Variants in ADGRG4 observed in about 807,000 individuals in gnomAD.
ADGRG4 encodes adhesion G protein-coupled receptor G4.
In ADGRG4, 122 loss-of-function variants were observed where a neutral mutation model predicts 126.2. That is an observed-to-expected ratio of 0.97 (90% CI 0.83 to 1.12). ADGRG4 has a LOEUF of 1.12. Ranked by LOEUF, ADGRG4 falls within the 50% of genes most tolerant of loss-of-function variation. ADGRG4 has a pLI of 0.00. For synonymous variants in ADGRG4, 943 were observed against 838.7 expected, an observed-to-expected ratio of 1.12 and a Z score of -2.15; for missense variants, 2,481 against 2,251.8, an observed-to-expected ratio of 1.10 and a Z score of -2.06.
At chrX:136,342,186 T>C (rs1257159936) in intron 5 of ADGRG4, among the ~76,000 whole-genome samples, 1 of 112,185 alleles carries the variant, frequency 8.9e-6, no homozygotes, top group Non-Finnish European at 1.9e-5. Context: ...AACTTTGAGT[T>C]CTCTGAGATT....
At chrX:136,339,509 C>G (rs192376978) in intron 5 of ADGRG4, among the ~76,000 whole-genome samples, 50 of 111,864 alleles carry the variant, frequency 4.5e-4, no homozygotes, top group Non-Finnish European at 8.1e-4. Flanking sequence ...TCCAACTTGC[C>G]TGAAGTTGTC....
At chrX:136,330,386 CT>C (rs113126296) in intron 5 of ADGRG4, among the ~76,000 whole-genome samples, 3,417 of 101,467 alleles carry the variant, frequency 0.034, 69 homozygotes, top group African/African-American at 0.069. Context: ...TTAGGATTAC[CT>C]TTTTTTTTTT....
At chrX:136,380,937 C>T (rs772077318) in intron 15 of ADGRG4, among the ~76,000 whole-genome samples, 2 of 109,256 alleles carry the variant, frequency 1.8e-5, no homozygotes, top group African/African-American at 6.7e-5. Context: ...ACAGTGGTCT[C>T]GAACTCCTAG....
intron 4 of ADGRG4, among the ~76,000 whole-genome samples, chrX:136,311,513 T>A (rs2074771269): frequency 9.1e-6 from 1 of 110,442 alleles, no homozygotes; most frequent in African/African-American, 3.3e-5. Context: ...GGCAGGAGGC[T>A]GGGGTTTTGT....
chrX:136,414,555 G>T (rs1265082285), intron 25 of ADGRG4, among the ~76,000 whole-genome samples: 2 of 112,520 alleles, frequency 1.8e-5, no homozygotes, highest in African/African-American at 3.2e-5. Flanking sequence ...AAGTATGAAT[G>T]TGTTATTAGA....
At chrX:136,388,512 T>C (rs1188143967) in intron 16 of ADGRG4, among the ~76,000 whole-genome samples, 1 of 112,247 alleles carries the variant, frequency 8.9e-6, no homozygotes, top group Non-Finnish European at 1.9e-5. Flanking sequence ...CTCTGTAGTA[T>C]AGGGTAATAA....
intron 3 of ADGRG4, among the ~76,000 whole-genome samples, chrX:136,306,626 A>T (rs916059539): frequency 1.8e-5 from 2 of 110,747 alleles, no homozygotes; most frequent in African/African-American, 3.3e-5. Context: ...ATAACCAGAC[A>T]GTACAGAACA....
intron 9 of ADGRG4, among the ~76,000 whole-genome samples, chrX:136,357,165 G>A (rs2075099556): frequency 2.7e-5 from 3 of 111,254 alleles, no homozygotes; most frequent in South Asian, 3.8e-4. Context: ...AATCCTTTTG[G>A]TGATAATATG....
intron 16 of ADGRG4, among the ~76,000 whole-genome samples, chrX:136,391,990 G>T (rs1245540144): frequency 8.9e-6 from 1 of 112,238 alleles, no homozygotes. Context: ...AAACAAATGC[G>T]TGCTAAATAC....
intron 21 of ADGRG4, among the ~76,000 whole-genome samples, chrX:136,402,455 C>G (rs1042692158): frequency 9.0e-6 from 1 of 111,280 alleles, no homozygotes; most frequent in African/African-American, 3.3e-5. Context: ...AAGTGACCAT[C>G]CTGTTTATCA....
At chrX:136,363,966 T>A (rs1410219698) in intron 13 of ADGRG4, among the ~76,000 whole-genome samples, 5 of 109,289 alleles carry the variant, frequency 4.6e-5, no homozygotes, top group Admixed American at 2.0e-4. Context: ...CCCACCACCA[T>A]GCCCGGATGA....
At chrX:136,311,430 C>G (rs907318235) in intron 4 of ADGRG4, among the ~76,000 whole-genome samples, 1 of 109,899 alleles carries the variant, frequency 9.1e-6, no homozygotes, top group Non-Finnish European at 1.9e-5. Context: ...CACACACACA[C>G]GCTCACACCC....
chrX:136,356,646 A>C (rs188460843), intron 9 of ADGRG4, among the ~76,000 whole-genome samples: 2 of 111,909 alleles, frequency 1.8e-5, no homozygotes, highest in African/African-American at 6.5e-5. Flanking sequence ...GCAAGCACAC[A>C]GCTTTCCAGG....
At chrX:136,393,652 G>A in intron 18 of ADGRG4, 72 bp downstream of exon 18, 1 of 774,868 alleles carries the variant, frequency 1.3e-6, no homozygotes, top group Non-Finnish European at 2.0e-6. Flanking sequence ...ATGGGAGGGG[G>A]TTGTGCTGAA....
In ADGRG4 at chrX:136,345,520, G is replaced by A; in HGVS notation, c.1814G>A (p.Gly605Glu). 8.3e-7 allele frequency: 1 copy of A among 1,210,335 alleles called. No homozygotes were observed. Among genetic ancestry groups the A allele is most frequent in the South Asian group, 1.8e-5 (1 of 56,913 alleles). ...ACTATGCTTTCCTCCACAATCACAGGACGAGTTTACACCCAGAATACACCT... is the reference window on the plus strand; with the variant it reads ...ACTATGCTTTCCTCCACAATCACAGAACGAGTTTACACCCAGAATACACCT... ...AETMLSSTIT[G>E]RVYTQNTPTA... is the part of the protein sequence containing the mutation. The change falls in exon 6 of 26, where the codon GGA becomes GAA. Residue 605 changes from glycine to glutamate, a missense_variant. Gly to Glu is a moderately conservative substitution (Grantham distance 98). Coordinates refer to ENST00000394143, the MANE Select transcript of ADGRG4 (RefSeq NM_153834.4).
chrX:136,376,306 G>C (rs1348947050), intron 15 of ADGRG4, among the ~76,000 whole-genome samples: 2 of 112,048 alleles, frequency 1.8e-5, no homozygotes, highest in Non-Finnish European at 3.8e-5. Flanking sequence ...CTATAGCCTT[G>C]CAGTATAATT....
intron 9 of ADGRG4, among the ~76,000 whole-genome samples, chrX:136,357,137 T>G (rs953157799): frequency 8.9e-6 from 1 of 112,326 alleles, no homozygotes; most frequent in African/African-American, 3.2e-5. Flanking sequence ...CTAAAATTCC[T>G]TTCAGTAACA....
In ADGRG4 at chrX:136,336,328, T is replaced by C. The variant is rs749036131; in HGVS notation, c.686-8064T>C. On this transcript the variant is annotated intron_variant, in intron 5 of 25. Transcript: ENST00000394143. Reference sequence around the variant, plus strand: ...CTTCAAAAATATATATATTCTGCTATTGTTGAGTGGAGTGCTCTATATCAA... The same window carrying C: ...CTTCAAAAATATATATATTCTGCTACTGTTGAGTGGAGTGCTCTATATCAA... Among the ~76,000 whole-genome samples, 17 of 111,780 alleles carry C rather than the reference T, an allele frequency of 1.5e-4. No individual in the cohort carries two copies. In the South Asian group the frequency reaches 6.4e-3, roughly 42 times the overall value.
At chrX:136,395,854 G>A (rs1603300031) in intron 19 of ADGRG4, among the ~76,000 whole-genome samples, 1 of 111,260 alleles carries the variant, frequency 9.0e-6, no homozygotes, top group African/African-American at 3.3e-5. Context: ...TGTTTTTACC[G>A]ATTGCTTTTC....
Sources: gnomAD v4.1 joint callset for allele counts (sites outside exome capture counted in the v4.1 genomes callset) on GRCh38, gnomAD v4.1.1 for gene constraint, MANE v1.5 for transcripts, NCBI Gene and HGNC (gene_info 2026-07-23, HGNC 2026-07-21) for gene names.